The following KIFAP3 variants were observed in gnomAD, a reference collection of about 807,000 sequenced individuals.
KIFAP3 encodes the protein kinesin-associated protein 3.
A neutral mutation model predicts 106.5 loss-of-function variants in KIFAP3; 68 were observed. The observed-to-expected ratio is 0.64, with a 90% CI of 0.53 to 0.78. The LOEUF (loss-of-function observed/expected upper bound fraction) is 0.78. Ranked by LOEUF, KIFAP3 falls within the 30% of genes least tolerant of loss-of-function variation. The pLI, the probability that KIFAP3 is intolerant of heterozygous loss-of-function variation, is 0.00. For missense variants in KIFAP3, 780 were observed against 941.8 expected (o/e 0.83, Z 2.25); for synonymous variants, 320 against 311.5 (o/e 1.03, Z -0.29).
At chr1:169,963,545 G>T (rs370638971) in intron 17 of KIFAP3, among the ~76,000 whole-genome samples, 5 of 151,924 alleles carry the variant, frequency 3.3e-5, no homozygotes, top group Non-Finnish European at 5.9e-5. Flanking sequence ...CATGCTGGAG[G>T]GTGGTGGCAC....
chr1:170,011,589 G>A (rs938838775), intron 10 of KIFAP3, among the ~76,000 whole-genome samples: 2 of 151,760 alleles, frequency 1.3e-5, no homozygotes, highest in African/African-American at 4.8e-5. Context: ...TGAGGGTTGG[G>A]CTACACTGTA....
intron 19 of KIFAP3, among the ~76,000 whole-genome samples, chr1:169,941,111 C>T (rs898655093): frequency 1.3e-5 from 2 of 152,112 alleles, no homozygotes; most frequent in African/African-American, 4.8e-5. Context: ...ATTCTGTTTT[C>T]ATCTTCATCT....
In KIFAP3 at chr1:169,983,413, A is replaced by C. The variant is rs767540651; in HGVS notation, c.1394-31T>G. The C allele has an allele frequency of 4.9e-6, 7 of 1,439,950 alleles. No individual in the cohort carries two copies. In the Admixed American group the frequency reaches 5.5e-5, roughly 11 times the overall value. 89.2% of individuals were successfully genotyped at this position (1,439,950 alleles called of 1,614,324 possible). ...ACAGAAAAGTCCCCCAATAAAATTA[A>C]GGTTAGCTTAAGTTTAATAATTTTT... On this transcript the variant is annotated intron_variant, in intron 12 of 19. Coordinates refer to ENST00000361580, the MANE Select transcript of KIFAP3 (RefSeq NM_014970.4).
chr1:170,069,456 C>A lies in KIFAP3; in HGVS notation c.32+4980G>T, dbSNP rs532699007. Among the ~76,000 whole-genome samples the A allele has an allele frequency of 1.3e-3, 191 of 152,114 alleles. 5 individuals carry two copies. The South Asian group carries it at 0.028, about 22-fold the overall frequency. On this transcript the variant is annotated intron_variant, in intron 1 of 19. Coordinates refer to ENST00000361580, the MANE Select transcript of KIFAP3 (RefSeq NM_014970.4). ...TTATGAATGTCGATGTGAAAATCCT[C>A]AAAATACTAGCAAACAGAATACAGG...
Position 169,977,219 on chromosome 1 carries a change from A to T in KIFAP3, c.1897+866T>A, listed in dbSNP as rs1167448831. Among the ~76,000 whole-genome samples the T allele has an allele frequency of 2.0e-5, 3 of 152,310 alleles. No individual in the cohort carries two copies. In the East Asian group the frequency reaches 5.8e-4, roughly 29 times the overall value. ...TTATATGTAGTAAAAGAGTTAGCAG[A>T]TATCAAAATTTTCAGCTTAAGAGGC... On this transcript the variant is annotated intron_variant, in intron 16 of 19. Transcript: ENST00000361580.
chr1:169,941,897 A>C (rs887280934), intron 19 of KIFAP3, among the ~76,000 whole-genome samples: 1 of 152,230 alleles, frequency 6.6e-6, no homozygotes, highest in African/African-American at 2.4e-5. Context: ...GTACTTTACT[A>C]TGAGGATGCA....
chr1:169,978,117 T>G lies in KIFAP3; in HGVS notation c.1865A>C (p.Gln622Pro). 6.2e-7 allele frequency: 1 copy of G among 1,611,942 alleles called. No homozygotes were observed. The highest frequency in any genetic ancestry group is 8.5e-7 in the Non-Finnish European group (1 of 1,178,368). Residue 622 changes from glutamine to proline, a missense_variant, in exon 16 of 20, where the codon CAA becomes CCA. Gln to Pro is a moderately conservative substitution (Grantham distance 76, BLOSUM62 -1). Transcript: ENST00000361580. ...IYVFYQMVFH[Q>P]ATRDVIIKET... is the part of the protein sequence containing the mutation. ...CTTGATTATGACGTCTCTTGTGGCT[T>G]GGTGGAAAACCATCTGGTAGAAGAC...
intron 10 of KIFAP3, among the ~76,000 whole-genome samples, chr1:170,016,139 G>A (rs1668503837): frequency 6.6e-6 from 1 of 151,590 alleles, no homozygotes; most frequent in Non-Finnish European, 1.5e-5. Context: ...TACCTGCGTT[G>A]TTTTTTTTAA....
chr1:170,060,809 T>C (rs1031590912), intron 1 of KIFAP3, among the ~76,000 whole-genome samples: 2 of 152,028 alleles, frequency 1.3e-5, no homozygotes, highest in African/African-American at 2.4e-5. Context: ...GTACCAAAAC[T>C]GAGATATAGA....
intron 8 of KIFAP3, among the ~76,000 whole-genome samples, chr1:170,024,989 T>C (rs1001635217): frequency 6.6e-6 from 1 of 152,116 alleles, no homozygotes; most frequent in African/African-American, 2.4e-5. Context: ...GAAAACAAGA[T>C]AACATATCAT....
chr1:170,057,221 C>T (rs542808891), intron 1 of KIFAP3, among the ~76,000 whole-genome samples: 1 of 152,198 alleles, frequency 6.6e-6, no homozygotes, highest in Admixed American at 6.5e-5. Flanking sequence ...CCTATTACCA[C>T]TTTAAAATGG....
At chr1:169,990,178 T>C (rs1159892510) in intron 11 of KIFAP3, 25 of 1,425,214 alleles carry the variant, frequency 1.8e-5, no homozygotes, top group Non-Finnish European at 2.1e-5. Flanking sequence ...GAGAACACTT[T>C]ACAGATGTTT....
At chr1:170,023,817 A>G (rs1032747110) in intron 9 of KIFAP3, among the ~76,000 whole-genome samples, 6 of 152,100 alleles carry the variant, frequency 3.9e-5, no homozygotes, top group African/African-American at 1.4e-4. Flanking sequence ...CAACACAGTA[A>G]AAGATGGCAA....
intron 10 of KIFAP3, among the ~76,000 whole-genome samples, chr1:170,011,277 A>T (rs1668229496): frequency 6.6e-6 from 1 of 151,968 alleles, no homozygotes; most frequent in African/African-American, 2.4e-5. Flanking sequence ...AAACAGTGAT[A>T]TTTCTGAAGG....
chr1:170,006,915 G>C (rs1667995610), intron 10 of KIFAP3, among the ~76,000 whole-genome samples: 1 of 152,120 alleles, frequency 6.6e-6, no homozygotes, highest in Non-Finnish European at 1.5e-5. Flanking sequence ...AGTAAGCATA[G>C]ATAAAGTCCA....
intron 4 of KIFAP3, among the ~76,000 whole-genome samples, chr1:170,038,812 C>T (rs1381334136): frequency 6.6e-6 from 1 of 152,098 alleles, no homozygotes; most frequent in African/African-American, 2.4e-5. Context: ...TAGCCAGGCA[C>T]GGTGGCTCAC....
intron 9 of KIFAP3, among the ~76,000 whole-genome samples, chr1:170,023,325 C>T (rs988815958): frequency 6.6e-6 from 1 of 151,986 alleles, no homozygotes; most frequent in African/African-American, 2.4e-5. Flanking sequence ...ATATCATTCA[C>T]TATAGTATTA....
chr1:169,979,737 C>G (rs1353338993), intron 15 of KIFAP3, among the ~76,000 whole-genome samples: 1 of 152,078 alleles, frequency 6.6e-6, no homozygotes, highest in Non-Finnish European at 1.5e-5. Flanking sequence ...CAAACACATA[C>G]AAACTCTGTG....
intron 10 of KIFAP3, among the ~76,000 whole-genome samples, chr1:170,005,539 G>A (rs1355394329): frequency 6.6e-6 from 1 of 151,902 alleles, no homozygotes; most frequent in Non-Finnish European, 1.5e-5. Flanking sequence ...AAAAAATGAT[G>A]AGTTCATGTC....
Sources: allele counts gnomAD v4.1 joint callset (sites outside exome capture counted in the v4.1 genomes callset), GRCh38; gene constraint gnomAD v4.1.1; transcripts MANE v1.5; gene names NCBI Gene and HGNC (gene_info 2026-07-23, HGNC 2026-07-21).